TIAM2: variants seen among roughly 807,000 people sequenced by gnomAD.
TIAM2 encodes rho guanine nucleotide exchange factor TIAM2.
In TIAM2, 80 loss-of-function variants were observed where a neutral mutation model predicts 152.9. That is an observed-to-expected ratio of 0.52 (90% CI 0.44 to 0.63). TIAM2 has a LOEUF of 0.63. Among genes scored for constraint, TIAM2 ranks in the 30% least tolerant of loss-of-function variants. The pLI, the probability that TIAM2 is intolerant of heterozygous loss-of-function variation, is 0.00. For synonymous variants in TIAM2, 804 were observed against 838.0 expected (o/e 0.96, Z 0.70); for missense variants, 1,965 against 2,120.1 (o/e 0.93, Z 1.44).
chr6:155,104,047 C>CCCCG (rs1562316918), intron 2 of TIAM2, among the ~76,000 whole-genome samples: 1 of 96,060 alleles, frequency 1.0e-5, no homozygotes, highest in Admixed American at 1.2e-4. Flanking sequence ...CACACCCCCC[C>CCCCG]CCCCACACCC....
intron 1 of TIAM2, among the ~76,000 whole-genome samples, chr6:155,028,554 AAT>A (rs1238846699): frequency 5.3e-4 from 71 of 134,808 alleles, no homozygotes; most frequent in African/African-American, 8.7e-4. Flanking sequence ...TACTACATAT[AAT>A]ATATATATAC....
chr6:155,212,686 A>AGGCCCACTC lies in TIAM2; in HGVS notation c.3168+1390_3168+1398dup, dbSNP rs148993866. Among the ~76,000 whole-genome samples, 544 of 148,120 alleles carry AGGCCCACTC rather than the reference A, an allele frequency of 3.7e-3. 2 individuals carry two copies. The highest frequency in any genetic ancestry group is 5.7e-3 in the Non-Finnish European group (388 of 67,886). On this transcript the variant is annotated intron_variant, in intron 15 of 26. Coordinates refer to ENST00000682666, the MANE Select transcript of TIAM2 (RefSeq NM_012454.4). The stretch of plus-strand genomic sequence containing the variant: ...TGCCCAAGTTTTGCTCGGGCCCACT[A>AGGCCCACTC]GGCCCACTCGGCCCACTCGACCTGG...
chr6:155,146,355 CA>C (rs1476641140), intron 6 of TIAM2, among the ~76,000 whole-genome samples: 1 of 152,072 alleles, frequency 6.6e-6, no homozygotes, highest in African/African-American at 2.4e-5. Flanking sequence ...CACTCCAGCC[CA>C]GGCGACAGAG....
At chr6:155,104,375 C>T (rs1778630255) in intron 2 of TIAM2, among the ~76,000 whole-genome samples, 1 of 152,102 alleles carries the variant, frequency 6.6e-6, no homozygotes, top group Non-Finnish European at 1.5e-5. Flanking sequence ...CCTGACCCCG[C>T]CCTGACTTAA....
intron 1 of TIAM2, among the ~76,000 whole-genome samples, chr6:155,018,241 A>G (rs1024872117): frequency 8.6e-5 from 13 of 151,128 alleles, no homozygotes; most frequent in African/African-American, 3.2e-4. Flanking sequence ...GTCTCGAAAA[A>G]AAAAAAGGTG....
At chr6:155,122,745 TC>T (rs1309276753) in intron 2 of TIAM2, among the ~76,000 whole-genome samples, 1 of 152,110 alleles carries the variant, frequency 6.6e-6, no homozygotes, top group Non-Finnish European at 1.5e-5. Context: ...TTATTATACT[TC>T]ATATCTCTTC....
rs57280691 is a variant in TIAM2, at chr6:154,997,629, A to ATTTTTT, written c.-209+2161_-209+2166dup. ...CCGTGAACGAGTGAAGAAAGAATGG[A>ATTTTTT]TTTTTTTTTTTTTTTTTTTTTTTTT... is the stretch of plus-strand genomic sequence containing the variant. On this transcript the variant is annotated intron_variant, in intron 1 of 26. Coordinates refer to ENST00000682666, the MANE Select transcript of TIAM2 (RefSeq NM_012454.4). 5.0e-4 allele frequency among the ~76,000 whole-genome samples: 31 copies of ATTTTTT among 62,112 alleles called. 3 individuals carry two copies. The highest frequency in any genetic ancestry group is 2.0e-3 in the African/African-American group (29 of 14,654). The allele number at this position is 62,112 out of a possible 152,430, so 40.7% of individuals were successfully genotyped here.
chr6:155,165,299 A>T lies in TIAM2; in HGVS notation c.2251A>T (p.Thr751Ser). The change falls in exon 9 of 27, where the codon ACA (threonine) becomes TCA (serine). Residue 751 changes from threonine (T) to serine (S), a missense_variant. Coordinates refer to ENST00000682666, the MANE Select transcript of TIAM2 (RefSeq NM_012454.4). ...AGATGACTCTGCTCTCCGGAAAAGG[A>T]CACTGTCACTGACCCAGCGAGGGAG... ...SRDDSALRKR[T>S]LSLTQRGRNK... is the part of the protein sequence containing the mutation. 1 of 1,614,088 alleles carries T rather than the reference A, an allele frequency of 6.2e-7. No individual in the cohort carries two copies. Among genetic ancestry groups the T allele is most frequent in the Non-Finnish European group, 8.5e-7 (1 of 1,180,006 alleles).
intron 17 of TIAM2, 90 bp from the exon 18 acceptor site, chr6:155,244,568 C>T (rs142565780): frequency 2.1e-6 from 3 of 1,451,642 alleles, no homozygotes; most frequent in Admixed American, 4.3e-5. Flanking sequence ...TGAAGAATTT[C>T]CTTGTGATTT....
intron 22 of TIAM2, 139 bp downstream of exon 22, chr6:155,251,160 G>T (rs1783633435): frequency 1.4e-6 from 1 of 696,286 alleles, no homozygotes; most frequent in Non-Finnish European, 2.5e-6. Context: ...AACAGGGCCA[G>T]CCCCCAACTA....
At chr6:155,080,040 G>A (rs903334568) in intron 1 of TIAM2, among the ~76,000 whole-genome samples, 36 of 152,324 alleles carry the variant, frequency 2.4e-4, no homozygotes, top group African/African-American at 7.9e-4. Flanking sequence ...AACAGGAACA[G>A]CTCTCTGACC....
intron 2 of TIAM2, among the ~76,000 whole-genome samples, chr6:155,096,924 C>T (rs1268500113): frequency 6.6e-6 from 1 of 152,150 alleles, no homozygotes; most frequent in African/African-American, 2.4e-5. Context: ...GAGGAAACTC[C>T]AAACCGTTCT....
chr6:155,253,344 G>A (rs3011896), intron 24 of TIAM2: 123,828 of 344,410 alleles, frequency 0.36, 24,546 homozygotes, highest in Middle Eastern at 0.48. Flanking sequence ...TGTGTTAGAA[G>A]AACAAAGATC....
At chr6:155,099,220 A>ATATG (rs1222226963) in intron 2 of TIAM2, among the ~76,000 whole-genome samples, 9 of 148,186 alleles carry the variant, frequency 6.1e-5, no homozygotes, top group African/African-American at 2.3e-4. Flanking sequence ...GTATATATAT[A>ATATG]TGTGTGTGTG....
chr6:155,111,814 T>C (rs1486495843), intron 2 of TIAM2, among the ~76,000 whole-genome samples: 1 of 152,170 alleles, frequency 6.6e-6, no homozygotes, highest in Non-Finnish European at 1.5e-5. Flanking sequence ...TTTTGATCCC[T>C]CTGTCCTTCC....
Position 155,183,437 on chromosome 6 carries a change from C to A in TIAM2, c.3001C>A (p.Pro1001Thr). The change falls in exon 14 of 27, where the codon CCT becomes ACT. Residue 1001 changes from proline (P) to threonine (T), a missense_variant. Physicochemically the swap from Pro to Thr is conservative, Grantham distance 38. Coordinates refer to ENST00000682666, the MANE Select transcript of TIAM2 (RefSeq NM_012454.4). ...FSRDQKSLLPPPNQSQLLEEF... is the reference protein window; with the variant it reads ...FSRDQKSLLPTPNQSQLLEEF... ...CAGGGACCAGAAGAGTCTGCTGCCCCCTCCTAACCAGTCCCAACTGCTGGA... is the reference window on the plus strand; with the variant it reads ...CAGGGACCAGAAGAGTCTGCTGCCCACTCCTAACCAGTCCCAACTGCTGGA... 2.5e-6 allele frequency: 4 copies of A among 1,614,076 alleles called. No individual in the cohort carries two copies. The highest frequency in any genetic ancestry group is 3.4e-6 in the Non-Finnish European group (4 of 1,180,012).
Position 155,156,460 on chromosome 6 carries a change from GCCTGGCCAATGTGGTGAAAC to G in TIAM2, c.2029-7952_2029-7933del, listed in dbSNP as rs1389735881. ...ACTTGAGGTCAGGAGTTCAAGACTA[GCCTGGCCAATGTGGTGAAAC>G]CCCGTCTCTACTAAAAATACAAAAA... On this transcript the variant is annotated intron_variant, in intron 7 of 26. Transcript: ENST00000682666. This position sits in a 1 kb window ranked among gnomAD's most constrained non-coding sequence, Gnocchi z 4.4. 6.6e-6 allele frequency among the ~76,000 whole-genome samples: 1 copy of G among 152,098 alleles called. No homozygotes were observed. The highest frequency in any genetic ancestry group is 2.4e-5 in the African/African-American group (1 of 41,416).
chr6:155,088,179 G>A (rs74502311), intron 1 of TIAM2, among the ~76,000 whole-genome samples: 32,449 of 150,836 alleles, frequency 0.22, 4,134 homozygotes, highest in East Asian at 0.43. Flanking sequence ...CTCAGCCTCC[G>A]GAGTAGCTGG....
intron 10 of TIAM2, among the ~76,000 whole-genome samples, chr6:155,177,507 TGA>T (rs1473418334): frequency 6.6e-6 from 1 of 152,190 alleles, no homozygotes; most frequent in Non-Finnish European, 1.5e-5. Flanking sequence ...GAGAGCCCTC[TGA>T]GAGAGAATAT....
Sources: gnomAD v4.1 joint callset for allele counts (sites outside exome capture counted in the v4.1 genomes callset) on GRCh38, gnomAD v4.1.1 for gene constraint, Gnocchi (gnomAD v3.1) non-coding constraint, MANE v1.5 for transcripts, NCBI Gene and HGNC (gene_info 2026-07-23, HGNC 2026-07-21) for gene names.